PCDHA6: variants seen among roughly 807,000 people sequenced by gnomAD.
The protein encoded by PCDHA6 is protocadherin alpha 6, also known as protocadherin alpha-6.
A neutral mutation model predicts 60.3 loss-of-function variants in PCDHA6; 55 were observed. That is an observed-to-expected ratio of 0.91 (90% CI 0.73 to 1.14). The LOEUF is 1.14. Ranked by LOEUF, PCDHA6 falls within the 50% of genes most tolerant of loss-of-function variation. PCDHA6 has a pLI of 0.00. For synonymous variants in PCDHA6, 652 were observed against 557.9 expected (o/e 1.17, Z -2.38); for missense variants, 1,327 against 1,256.5 (o/e 1.06, Z -0.85).
At chr5:140,917,224 G>T (rs142866496) in intron 1 of PCDHA6, among the ~76,000 whole-genome samples, 1 of 150,920 alleles carries the variant, frequency 6.6e-6, no homozygotes, top group African/African-American at 2.4e-5. Flanking sequence ...TTAGTGATAC[G>T]TTGTTAAATC....
chr5:141,006,620 T>C (rs1237251555), intron 3 of PCDHA6, among the ~76,000 whole-genome samples: 3 of 152,148 alleles, frequency 2.0e-5, no homozygotes, highest in Admixed American at 6.5e-5. Context: ...ATAAGGAGAC[T>C]ATTGCTGCAA....
chr5:140,836,844 T>A, intron 1 of PCDHA6: 1 of 827,256 alleles, frequency 1.2e-6, no homozygotes, highest in Non-Finnish European at 1.8e-6. Flanking sequence ...GCTTTATGTA[T>A]AATTATTATT....
At position 140,840,716 on chromosome 5, in the gene PCDHA6, GAATA is replaced by G. The variant is rs1444091534; in HGVS notation, c.2394+10234_2394+10237del. 3.2e-4 allele frequency among the ~76,000 whole-genome samples: 48 copies of G among 151,992 alleles called. 1 individual carries two copies. Among genetic ancestry groups the G allele is most frequent in the Non-Finnish European group, 1.5e-5 (1 of 67,982 alleles). ...CGGTTCAGGCAATTTGACATTTATT[GAATA>G]AAGAAAAGCAAAAATTTAACAATAA... On this transcript the variant is annotated intron_variant, in intron 1 of 3. Coordinates refer to ENST00000529310, the MANE Select transcript of PCDHA6 (RefSeq NM_018909.4).
chr5:140,957,113 G>A (rs1554222808), intron 1 of PCDHA6, among the ~76,000 whole-genome samples: 2 of 152,086 alleles, frequency 1.3e-5, no homozygotes, highest in Admixed American at 6.6e-5. Flanking sequence ...ACATGATTCT[G>A]TGTGTTTCTT....
intron 1 of PCDHA6, among the ~76,000 whole-genome samples, chr5:140,833,816 G>T (rs1183513808): frequency 6.6e-6 from 1 of 151,956 alleles, no homozygotes; most frequent in Non-Finnish European, 1.5e-5. Flanking sequence ...TGAGATCCTG[G>T]GTCCCTAAAA....
intron 1 of PCDHA6, among the ~76,000 whole-genome samples, chr5:140,971,183 G>C (rs1471489236): frequency 1.3e-5 from 2 of 152,170 alleles, no homozygotes; most frequent in African/African-American, 4.8e-5. Flanking sequence ...CTGTAAGCCG[G>C]AAGCTCAGAG....
At chr5:140,970,565 T>C (rs1346006828) in intron 1 of PCDHA6, among the ~76,000 whole-genome samples, 2 of 152,182 alleles carry the variant, frequency 1.3e-5, no homozygotes, top group Non-Finnish European at 2.9e-5. Flanking sequence ...TCTCCATATG[T>C]ATGCTTGAAA....
intron 1 of PCDHA6, among the ~76,000 whole-genome samples, chr5:140,915,425 A>T (rs2077115235): frequency 6.6e-6 from 1 of 152,056 alleles, no homozygotes; most frequent in African/African-American, 2.4e-5. Flanking sequence ...GGGCTTGTTT[A>T]TCCCTGTCCT....
At chr5:140,836,651 G>C in intron 1 of PCDHA6, 2 of 1,613,546 alleles carry the variant, frequency 1.2e-6, no homozygotes, top group Non-Finnish European at 1.7e-6. Context: ...AGAGGCGGCA[G>C]AGGGTGTGCT....
At chr5:140,877,091 C>G (rs782722834) in intron 1 of PCDHA6, 2 of 1,613,252 alleles carry the variant, frequency 1.2e-6, no homozygotes, top group African/African-American at 1.3e-5. Flanking sequence ...GCGCGCGACG[C>G]CGGCGTGCCG....
At chr5:140,871,033 C>G (rs201299652) in intron 1 of PCDHA6, 336 of 1,613,234 alleles carry the variant, frequency 2.1e-4, no homozygotes, top group Non-Finnish European at 2.7e-4. Flanking sequence ...CTCGCCGCGC[C>G]ACCGACTTCT....
At chr5:140,875,346 T>C in intron 1 of PCDHA6, 1 of 1,443,436 alleles carries the variant, frequency 6.9e-7, no homozygotes. Flanking sequence ...GACTCCATAA[T>C]GACTGTGATG....
intron 1 of PCDHA6, among the ~76,000 whole-genome samples, chr5:140,924,900 AAAAAATAAAAT>A (rs2082119593): frequency 1.6e-5 from 1 of 63,328 alleles, no homozygotes; most frequent in African/African-American, 5.4e-5. Context: ...GTCTCAAAAA[AAAAAATAAAAT>A]AAAATAAAAT....
rs562721543 is a variant in PCDHA6, at chr5:140,968,426, A to G, written c.2395-10523A>G. ...CTTTGTGACTGTGGAGGCTCAGGAC[A>G]AGGGGAGCCCACCACTGAGCAGCAC... On this transcript the variant is annotated intron_variant, in intron 1 of 3. Transcript: ENST00000529310. 135 of 1,614,020 alleles carry G rather than the reference A, an allele frequency of 8.4e-5. 2 individuals carry two copies. In the South Asian group the frequency reaches 1.4e-3, roughly 16 times the overall value.
intron 1 of PCDHA6, chr5:140,843,522 C>T: frequency 1.1e-5 from 17 of 1,595,794 alleles, no homozygotes; most frequent in Non-Finnish European, 1.5e-5. Flanking sequence ...GGGTGCCGGG[C>T]GGGCAAGCCC....
At position 140,857,660 on chromosome 5, in the gene PCDHA6, G is replaced by A. The variant is rs368920437; in HGVS notation, c.2394+27175G>A. 9 of 1,596,734 alleles carry A rather than the reference G, an allele frequency of 5.6e-6. 1 individual carries two copies. Among genetic ancestry groups the A allele is most frequent in the Non-Finnish European group, 7.7e-6 (9 of 1,167,798 alleles). On this transcript the variant is annotated intron_variant, in intron 1 of 3. Coordinates refer to ENST00000529310, the MANE Select transcript of PCDHA6 (RefSeq NM_018909.4). ...GCTACAGTTCCAGGTGAGCGCGCGC[G>A]ATGGGGGCGTGCCGCCTCTGGGCAG...
rs115129184 is a variant in PCDHA6, at chr5:140,964,722, A to G, written c.2395-14227A>G. 3.1e-3 allele frequency among the ~76,000 whole-genome samples: 468 copies of G among 152,140 alleles called. 3 individuals are homozygous for G. The highest frequency in any genetic ancestry group is 5.1e-3 in the Non-Finnish European group (346 of 67,996). On this transcript the variant is annotated intron_variant, in intron 1 of 3. Transcript: ENST00000529310. ...AAGGCCTCCGAGATCAAATTACCAC[A>G]GCAAACTGAGACAGAATTATTGTAG...
At chr5:140,871,809 A>G (rs1489306606) in intron 1 of PCDHA6, among the ~76,000 whole-genome samples, 1 of 152,260 alleles carries the variant, frequency 6.6e-6, no homozygotes. Flanking sequence ...TATTTTCACT[A>G]AAGTACCCAT....
chr5:140,946,631 T>TAC (rs374022482), intron 1 of PCDHA6, among the ~76,000 whole-genome samples: 8 of 131,856 alleles, frequency 6.1e-5, no homozygotes, highest in African/African-American at 1.7e-4. Context: ...TATATATATA[T>TAC]ACAATGGAAT....
Sources: gnomAD v4.1 joint callset for allele counts (sites outside exome capture counted in the v4.1 genomes callset) on GRCh38, gnomAD v4.1.1 for gene constraint, MANE v1.5 for transcripts, NCBI Gene and HGNC (gene_info 2026-07-23, HGNC 2026-07-21) for gene names.